POR: variants seen among roughly 807,000 people sequenced by gnomAD.
POR encodes the protein NADPH--cytochrome P450 reductase.
POR carries 56 observed loss-of-function variants against 84.0 expected under a neutral mutation model. The ratio of observed to expected loss-of-function variants is 0.67; its 90% CI spans 0.54 to 0.83. The LOEUF (loss-of-function observed/expected upper bound fraction) is 0.83. Among genes scored for constraint, POR ranks in the 40% least tolerant of loss-of-function variants. The probability of loss-of-function intolerance (pLI) is 0.00; values close to 1 mark genes in which losing one functional copy is unlikely to be tolerated. For synonymous variants in POR, 414 were observed against 400.5 expected, an observed-to-expected ratio of 1.03 and a Z score of -0.40; for missense variants, 938 against 944.3, an observed-to-expected ratio of 0.99 and a Z score of 0.09.
intron 1 of POR, among the ~76,000 whole-genome samples, chr7:75,937,062 C>T (rs1015844247): frequency 1.3e-5 from 2 of 151,316 alleles, no homozygotes; most frequent in Admixed American, 6.6e-5. Context: ...ATCCTGACTT[C>T]GTGATCCGCC....
chr7:75,960,859 G>A (rs553492643), intron 2 of POR, among the ~76,000 whole-genome samples: 25 of 152,232 alleles, frequency 1.6e-4, no homozygotes, highest in African/African-American at 5.3e-4. Flanking sequence ...GCTGCCTCTA[G>A]GGAAACCTGT....
At position 75,927,336 on chromosome 7, in the gene POR, T is replaced by C. The variant is rs183643288; in HGVS notation, c.-5+12157T>C. Reference sequence around the variant, plus strand: ...ACCTGGGCAACATGGCGAAACCCCGTATCTTAACAAAAAATTAATGGGGCT... The same window carrying C: ...ACCTGGGCAACATGGCGAAACCCCGCATCTTAACAAAAAATTAATGGGGCT... On this transcript the variant is annotated intron_variant, in intron 1 of 15. Coordinates refer to ENST00000461988, the MANE Select transcript of POR (RefSeq NM_000941.3). 2.6e-5 allele frequency among the ~76,000 whole-genome samples: 4 copies of C among 151,978 alleles called. No individual in the cohort carries two copies. The East Asian group carries it at 5.8e-4, about 22-fold the overall frequency.
chr7:75,979,678 TG>T (rs72553995), intron 4 of POR, 99 bp downstream of exon 4: 2 of 1,509,990 alleles, frequency 1.3e-6, no homozygotes, highest in East Asian at 4.6e-5. Context: ...CGGCAGGGAG[TG>T]GGGTCCTGGG....
At chr7:75,929,056 G>A (rs1807288053) in intron 1 of POR, among the ~76,000 whole-genome samples, 2 of 152,112 alleles carry the variant, frequency 1.3e-5, no homozygotes, top group Admixed American at 6.6e-5. Flanking sequence ...CTCTGTATGG[G>A]CAATCTTGTA....
At chr7:75,963,500 C>T (rs963471191) in intron 2 of POR, among the ~76,000 whole-genome samples, 8 of 152,200 alleles carry the variant, frequency 5.3e-5, no homozygotes, top group African/African-American at 1.4e-4. Flanking sequence ...CATGGGCTGT[C>T]GGGAACTGTC....
At chr7:75,927,418 C>G (rs1807183120) in intron 1 of POR, among the ~76,000 whole-genome samples, 1 of 151,514 alleles carries the variant, frequency 6.6e-6, no homozygotes, top group African/African-American at 2.4e-5. Context: ...CATCACGCCA[C>G]TGTACAGCAG....
Position 75,985,227 on chromosome 7 carries a change from T to G in POR, c.1398+20T>G. On this transcript the variant is annotated intron_variant, in intron 12 of 15. Coordinates refer to ENST00000461988, the MANE Select transcript of POR (RefSeq NM_000941.3). ...TCCAAGGTGAGGGCCGGCACTGCCC[T>G]GCCAGCCACACGCTGGAGGCCCAGC... 1 of 1,572,508 alleles carries G rather than the reference T, an allele frequency of 6.4e-7. No homozygotes were observed. Among genetic ancestry groups the G allele is most frequent in the East Asian group, 2.3e-5 (1 of 44,102 alleles).
intron 4 of POR, chr7:75,979,893 T>G: frequency 5.4e-6 from 2 of 373,520 alleles, no homozygotes; most frequent in Admixed American, 8.0e-5. Context: ...TCCACTCCCC[T>G]CTCCTTCGAG....
At chr7:75,917,703 G>A (rs1554548226) in intron 1 of POR, among the ~76,000 whole-genome samples, 1 of 151,922 alleles carries the variant, frequency 6.6e-6, no homozygotes, top group African/African-American at 2.4e-5. Context: ...GAGCGCAGTG[G>A]GCTCAGTGCA....
chr7:75,964,515 C>T (rs1554554956), intron 2 of POR, among the ~76,000 whole-genome samples: 1 of 152,110 alleles, frequency 6.6e-6, no homozygotes, highest in East Asian at 1.9e-4. Context: ...ACCATATTGG[C>T]CAGGCTGATC....
intron 1 of POR, chr7:75,923,584 G>C (rs1806975206): frequency 3.0e-6 from 1 of 331,540 alleles, no homozygotes; most frequent in African/African-American, 2.2e-5. Flanking sequence ...GTAAAGGAAG[G>C]GTCAAAGGAA....
intron 2 of POR, among the ~76,000 whole-genome samples, chr7:75,960,670 T>C (rs1222003255): frequency 1.3e-5 from 2 of 151,998 alleles, no homozygotes; most frequent in African/African-American, 4.8e-5. Context: ...TTGCTCACCC[T>C]TATGGAACAA....
intron 2 of POR, among the ~76,000 whole-genome samples, chr7:75,971,654 A>G (rs1788447693): frequency 6.6e-6 from 1 of 152,118 alleles, no homozygotes; most frequent in Admixed American, 6.6e-5. Context: ...AACGCAGAGA[A>G]GGGAAAAATG....
intron 1 of POR, among the ~76,000 whole-genome samples, chr7:75,934,634 A>G (rs1440267348): frequency 1.3e-5 from 2 of 152,144 alleles, no homozygotes; most frequent in African/African-American, 4.8e-5. Flanking sequence ...CTCCCATTAC[A>G]GTTGTGGAGG....
chr7:75,952,425 A>C (rs1386465612), intron 1 of POR, among the ~76,000 whole-genome samples: 2 of 110,294 alleles, frequency 1.8e-5, no homozygotes, highest in African/African-American at 3.6e-5. Context: ...TGACCCCCCC[A>C]CCTCCCTCCC....
intron 1 of POR, among the ~76,000 whole-genome samples, chr7:75,918,013 A>G (rs1296588080): frequency 6.6e-6 from 1 of 152,156 alleles, no homozygotes; most frequent in Non-Finnish European, 1.5e-5. Context: ...AAAAAATACA[A>G]ATACAAAAAT....
intron 3 of POR, 39 bp from the exon 4 acceptor site, chr7:75,979,412 G>A: frequency 6.2e-7 from 1 of 1,605,942 alleles, no homozygotes; most frequent in Non-Finnish European, 8.5e-7. Flanking sequence ...CGTGGCTGAG[G>A]TCTGTGGCCC....
In POR at chr7:75,983,846, C is replaced by T. The variant is rs1554558561; in HGVS notation, c.1056C>T (p.Asn352=). The T allele has an allele frequency of 1.2e-6, 2 of 1,607,124 alleles. No individual in the cohort carries two copies. The highest frequency in any genetic ancestry group is 1.7e-6 in the Non-Finnish European group (2 of 1,177,086). The change falls in exon 10 of 16, where the codon AAC becomes AAT. Residue 352 remains asparagine (N), a synonymous_variant. Coordinates refer to ENST00000461988, the MANE Select transcript of POR (RefSeq NM_000941.3). ...ACCTGGACGTCGTCATGTCCCTGAA[C>T]AACCTGGATGGTGAGTGCCACAGTC...
At chr7:75,949,951 CG>C (rs1161025830) in intron 1 of POR, among the ~76,000 whole-genome samples, 1 of 152,034 alleles carries the variant, frequency 6.6e-6, no homozygotes, top group Non-Finnish European at 1.5e-5. Flanking sequence ...CTCTGCCTTC[CG>C]GGTTCACACC....
Sources: gnomAD v4.1 joint callset for allele counts (sites outside exome capture counted in the v4.1 genomes callset) on GRCh38, gnomAD v4.1.1 for gene constraint, MANE v1.5 for transcripts, NCBI Gene and HGNC (gene_info 2026-07-23, HGNC 2026-07-21) for gene names.